RNF150: variants seen among roughly 807,000 people sequenced by gnomAD.
RNF150 encodes ring finger protein 150.
In RNF150, 24 loss-of-function variants were observed where a neutral mutation model predicts 39.3. The observed-to-expected ratio is 0.61, with a 90% CI of 0.44 to 0.86. The LOEUF (loss-of-function observed/expected upper bound fraction) is 0.86, where lower values mean the gene tolerates loss of function less well. RNF150 is among the 40% of genes least tolerant of loss of function. The pLI, the probability that RNF150 is intolerant of heterozygous loss-of-function variation, is 0.00. For missense variants in RNF150, 502 were observed against 587.8 expected (o/e 0.85, Z 1.51); for synonymous variants, 255 against 227.3 (o/e 1.12, Z -1.10).
chr4:140,989,148 G>A lies in RNF150; in HGVS notation c.485-21275C>T, dbSNP rs116497830. Reference sequence around the variant, plus strand: ...AGTGACTGTAAGGTCTGTGGTACACGGAAGCTGGTGTCAGTGATGCTTCCA... The same window carrying A: ...AGTGACTGTAAGGTCTGTGGTACACAGAAGCTGGTGTCAGTGATGCTTCCA... On this transcript the variant is annotated intron_variant, in intron 1 of 6. Coordinates refer to ENST00000515673, the MANE Select transcript of RNF150 (RefSeq NM_020724.2). Among the ~76,000 whole-genome samples, 707 of 152,198 alleles carry A rather than the reference G, an allele frequency of 4.6e-3. 6 individuals are homozygous for A. Among genetic ancestry groups the A allele is most frequent in the African/African-American group, 0.016 (675 of 41,530 alleles).
intron 1 of RNF150, among the ~76,000 whole-genome samples, chr4:141,052,942 C>T (rs1025366728): frequency 3.9e-5 from 6 of 152,100 alleles, no homozygotes; most frequent in African/African-American, 1.4e-4. Flanking sequence ...ATTTTTGAGT[C>T]TGGGATACCC....
intron 1 of RNF150, among the ~76,000 whole-genome samples, chr4:141,142,874 C>CTT (rs780341978): frequency 4.2e-5 from 6 of 142,366 alleles, no homozygotes; most frequent in Non-Finnish European, 3.1e-5. Flanking sequence ...TCTTTTTTCT[C>CTT]TTTTTTTTTT....
In RNF150 at chr4:141,133,152, G is replaced by A. The variant is rs1726953424; in HGVS notation, c.-344C>T. On this transcript the variant is annotated 5_prime_UTR_variant, in exon 1 of 7. Transcript: ENST00000515673. ...CGCCTTCTCTCATAAGGGTGGCCGG[G>A]GGCCCACGAACTTGCAGGGTGGCGG... The A allele has an allele frequency of 7.6e-6, 2 of 264,510 alleles. No homozygotes were observed. Among genetic ancestry groups the A allele is most frequent in the South Asian group, 8.3e-5 (2 of 24,198 alleles). The allele number at this position is 264,510 out of a possible 1,614,324, so 16.4% of individuals were successfully genotyped here.
At chr4:141,039,573 T>G (rs1233132233) in intron 1 of RNF150, among the ~76,000 whole-genome samples, 1 of 152,122 alleles carries the variant, frequency 6.6e-6, no homozygotes, top group Non-Finnish European at 1.5e-5. Context: ...ATGAATCCTT[T>G]GTAAAAATTC....
intron 1 of RNF150, among the ~76,000 whole-genome samples, chr4:141,093,387 A>G (rs1433319731): frequency 8.7e-5 from 13 of 148,806 alleles, no homozygotes; most frequent in Non-Finnish European, 3.0e-5. Flanking sequence ...AAGGGGGGGG[A>G]AAGGGAACTG....
chr4:141,132,447 A>T lies in RNF150; in HGVS notation c.362T>A (p.Ile121Asn). The T allele has an allele frequency of 6.2e-7, 1 of 1,610,474 alleles. No homozygotes were observed. The highest frequency in any genetic ancestry group is 8.5e-7 in the Non-Finnish European group (1 of 1,178,906). ...PTRGKNWIALIPKGNCTYRDK... is the reference protein window; with the variant it reads ...PTRGKNWIALNPKGNCTYRDK... Reference sequence around the variant, plus strand: ...CCTGTACGTGCAGTTGCCCTTGGGGATGAGGGCTATCCAGTTCTTGCCGCG... The same window carrying T: ...CCTGTACGTGCAGTTGCCCTTGGGGTTGAGGGCTATCCAGTTCTTGCCGCG... The change falls in exon 1 of 7, where the codon ATC (isoleucine) becomes AAC (asparagine). Residue 121 changes from isoleucine to asparagine, a missense_variant. Physicochemically the swap from Ile to Asn is moderately radical, Grantham distance 149 (BLOSUM62 -3). Coordinates refer to ENST00000515673, the MANE Select transcript of RNF150 (RefSeq NM_020724.2). This position sits in a 1 kb window ranked among gnomAD's most constrained non-coding sequence, Gnocchi z 4.9.
At chr4:141,173,754 G>A (rs1192753002) in intron 1 of RNF150, among the ~76,000 whole-genome samples, 1 of 152,110 alleles carries the variant, frequency 6.6e-6, no homozygotes, top group Non-Finnish European at 1.5e-5. Context: ...ACTCCAAGGT[G>A]TCTTTATTTC....
intron 1 of RNF150, among the ~76,000 whole-genome samples, chr4:141,017,059 A>G (rs968256068): frequency 2.7e-4 from 41 of 151,790 alleles, no homozygotes; most frequent in Admixed American, 5.9e-4. Context: ...AAACACGTGA[A>G]CATGTGCTAC....
In RNF150 at chr4:140,875,400, T is replaced by C. The variant is rs758217660; in HGVS notation, c.1199-7021A>G. Among the ~76,000 whole-genome samples, 17 of 152,248 alleles carry C rather than the reference T, an allele frequency of 1.1e-4. No individual in the cohort carries two copies. The South Asian group carries it at 1.5e-3, about 13-fold the overall frequency. ...CGATGTTGCCCAGGCTGGCTTTGAA[T>C]TCCTGGCTTCAAGCCATCCTCCCAC... On this transcript the variant is annotated intron_variant, in intron 6 of 6. Transcript: ENST00000515673.
Position 140,941,033 on chromosome 4 carries a change from A to G in RNF150, c.890+6621T>C, listed in dbSNP as rs569019046. Among the ~76,000 whole-genome samples, 3 of 152,322 alleles carry G rather than the reference A, an allele frequency of 2.0e-5. No homozygotes were observed. The East Asian group carries it at 5.8e-4, about 29-fold the overall frequency. On this transcript the variant is annotated intron_variant, in intron 4 of 6. Transcript: ENST00000515673. ...CAAAAAAACTTAAAGTGACTGGAAG[A>G]TTCAAGTATCCAAAAATACATTGTA...
intron 1 of RNF150, among the ~76,000 whole-genome samples, chr4:140,988,225 CG>C (rs1734074532): frequency 6.6e-6 from 1 of 152,104 alleles, no homozygotes; most frequent in South Asian, 2.1e-4. Flanking sequence ...ACAGAACTAC[CG>C]TTCAATCCAG....
At chr4:141,092,842 G>A (rs1234176707) in intron 1 of RNF150, among the ~76,000 whole-genome samples, 2 of 151,438 alleles carry the variant, frequency 1.3e-5, no homozygotes, top group South Asian at 2.1e-4. Flanking sequence ...GATGGGAAAA[G>A]AAATTAATTC....
intron 6 of RNF150, among the ~76,000 whole-genome samples, chr4:140,885,447 T>G (rs1473922915): frequency 1.4e-5 from 2 of 144,392 alleles, no homozygotes. Flanking sequence ...TTTTTTTTTT[T>G]TTTTTTGAGA....
chr4:140,866,026 C>A lies in RNF150; in HGVS notation c.*2235G>T, dbSNP rs1728694930. 1 of 152,212 alleles carries A rather than the reference C, an allele frequency of 6.6e-6. No individual in the cohort carries two copies. The highest frequency in any genetic ancestry group is 6.5e-5 in the Admixed American group (1 of 15,280). 9.4% of individuals were successfully genotyped at this position (152,212 alleles called of 1,614,324 possible). A position where few individuals can be genotyped will look rare whatever the true frequency, so the allele number is the denominator to read the frequency against. ...AACACCTCTGAGATCAAGAATCCCACAGTGAGAGCTAGGATTTGAAGGTAT... is the reference window on the plus strand; with the variant it reads ...AACACCTCTGAGATCAAGAATCCCAAAGTGAGAGCTAGGATTTGAAGGTAT... On this transcript the variant is annotated 3_prime_UTR_variant, in exon 7 of 7. Coordinates refer to ENST00000515673, the MANE Select transcript of RNF150 (RefSeq NM_020724.2).
chr4:141,036,701 A>G (rs1445967298), intron 1 of RNF150, among the ~76,000 whole-genome samples: 1 of 152,190 alleles, frequency 6.6e-6, no homozygotes, highest in African/African-American at 2.4e-5. Flanking sequence ...AATAGACTAG[A>G]CTATAGATTA....
chr4:141,101,277 A>G (rs1264114761), intron 1 of RNF150, among the ~76,000 whole-genome samples: 1 of 152,142 alleles, frequency 6.6e-6, no homozygotes, highest in Non-Finnish European at 1.5e-5. Flanking sequence ...TAATATCCTT[A>G]TTCTATACTT....
At chr4:141,038,534 T>C (rs1736233924) in intron 1 of RNF150, among the ~76,000 whole-genome samples, 1 of 151,818 alleles carries the variant, frequency 6.6e-6, no homozygotes, top group South Asian at 2.1e-4. Flanking sequence ...CTACAAAATT[T>C]TAAAAAATTA....
At chr4:141,042,168 C>T (rs62327662) in intron 1 of RNF150, among the ~76,000 whole-genome samples, 1,570 of 151,996 alleles carry the variant, frequency 0.01, 10 homozygotes, top group East Asian at 0.021. Context: ...ATCAATAAAC[C>T]GAACAATTGC....
intron 1 of RNF150, among the ~76,000 whole-genome samples, chr4:141,086,638 C>T (rs1738376453): frequency 6.6e-6 from 1 of 151,642 alleles, no homozygotes; most frequent in South Asian, 2.1e-4. Context: ...CTGTATACAT[C>T]TATAATATTT....
Sources: allele counts gnomAD v4.1 joint callset (sites outside exome capture counted in the v4.1 genomes callset), GRCh38; gene constraint gnomAD v4.1.1; non-coding constraint Gnocchi (gnomAD v3.1); transcripts MANE v1.5; gene names NCBI Gene and HGNC (gene_info 2026-07-23, HGNC 2026-07-21).